Variants in PCBP3 observed in about 807,000 individuals in gnomAD.
The protein encoded by PCBP3 is poly(rC) binding protein 3, also known as poly(rC)-binding protein 3.
PCBP3 carries 25 observed loss-of-function variants against 52.7 expected under a neutral mutation model. That is an observed-to-expected ratio of 0.47 (90% confidence interval 0.35 to 0.66). The LOEUF (loss-of-function observed/expected upper bound fraction) is 0.66. Among genes scored for constraint, PCBP3 ranks in the 30% least tolerant of loss-of-function variants. The pLI is 0.01. For missense variants in PCBP3, 391 were observed against 490.3 expected (o/e 0.80, Z 1.91); for synonymous variants, 162 against 183.0 (o/e 0.89, Z 0.93).
intron 5 of PCBP3, among the ~76,000 whole-genome samples, chr21:45,877,046 T>C (rs1307122233): frequency 1.3e-5 from 2 of 152,246 alleles, no homozygotes; most frequent in Non-Finnish European, 2.9e-5. Context: ...ATCTCTATGT[T>C]AATATCCAAA....
In PCBP3 at chr21:45,731,521, T is replaced by C. The variant is rs148121034; in HGVS notation, c.-199-3871T>C. ...CCAAAGTTCATCTCCAACTGAGGCC[T>C]CTCTGGATCTAACTGGCTTTTGTTT... On this transcript the variant is annotated intron_variant, in intron 2 of 17. Coordinates refer to ENST00000681687, the MANE Select transcript of PCBP3 (RefSeq NM_001384156.1). Among the ~76,000 whole-genome samples, 564 of 152,318 alleles carry C rather than the reference T, an allele frequency of 3.7e-3. 2 individuals carry two copies. Among genetic ancestry groups the C allele is most frequent in the African/African-American group, 0.013 (545 of 41,574 alleles).
At chr21:45,727,850 C>T (rs2085170796) in intron 2 of PCBP3, among the ~76,000 whole-genome samples, 1 of 152,200 alleles carries the variant, frequency 6.6e-6, no homozygotes, top group African/African-American at 2.4e-5. Flanking sequence ...GATGTCAAAG[C>T]ATCAGACACA....
At position 45,928,609 on chromosome 21, in the gene PCBP3, C is replaced by A. The variant is rs1442241741; in HGVS notation, c.718-1308C>A. 6.6e-6 allele frequency among the ~76,000 whole-genome samples: 1 copy of A among 152,148 alleles called. No individual in the cohort carries two copies. Among genetic ancestry groups the A allele is most frequent in the Admixed American group, 6.5e-5 (1 of 15,280 alleles). On this transcript the variant is annotated intron_variant, in intron 13 of 17. Transcript: ENST00000681687. This position sits in a 1 kb window ranked among gnomAD's most constrained non-coding sequence, Gnocchi z 4.1. Reference sequence around the variant, plus strand: ...ACCCAGGTGCCAGGGGTGGCCAGGGCAAGCATGGGGGTCTGGTCAGGTGCT... The same window carrying A: ...ACCCAGGTGCCAGGGGTGGCCAGGGAAAGCATGGGGGTCTGGTCAGGTGCT...
intron 4 of PCBP3, among the ~76,000 whole-genome samples, chr21:45,777,757 T>G (rs2090358070): frequency 1.3e-5 from 2 of 148,254 alleles, no homozygotes; most frequent in African/African-American, 2.5e-5. Flanking sequence ...CTAGAATTTG[T>G]TTTTTTTTTA....
chr21:45,814,378 G>A (rs1322701669), intron 4 of PCBP3, among the ~76,000 whole-genome samples: 3 of 148,358 alleles, frequency 2.0e-5, no homozygotes, highest in South Asian at 2.2e-4. Flanking sequence ...GTGAGTGGTG[G>A]GTGAGTGGTG....
chr21:45,934,746 G>C lies in PCBP3; in HGVS notation c.857-507G>C, dbSNP rs114324864. On this transcript the variant is annotated intron_variant, in intron 15 of 17. Coordinates refer to ENST00000681687, the MANE Select transcript of PCBP3 (RefSeq NM_001384156.1). ...GCTGTCCCCTGCAGGAGGCCGGGGG[G>C]TGTCACAGGGAGGTGGGGCACTGTC... is the stretch of plus-strand genomic sequence containing the variant. Among the ~76,000 whole-genome samples the C allele has an allele frequency of 4.4e-3, 669 of 152,366 alleles. 6 individuals carry two copies. The highest frequency in any genetic ancestry group is 0.014 in the African/African-American group (594 of 41,582).
intron 4 of PCBP3, among the ~76,000 whole-genome samples, chr21:45,816,672 C>T (rs559677149): frequency 6.6e-6 from 1 of 150,766 alleles, no homozygotes; most frequent in Non-Finnish European, 1.5e-5. Context: ...TGGAGCTGTC[C>T]TCTGCTGTGA....
intron 1 of PCBP3, among the ~76,000 whole-genome samples, chr21:45,644,630 T>C (rs2079139652): frequency 6.6e-6 from 1 of 152,122 alleles, no homozygotes; most frequent in African/African-American, 2.4e-5. Flanking sequence ...GGCTCGGGGT[T>C]GGTTATCTTC....
chr21:45,898,371 G>A (rs188573025), intron 6 of PCBP3, among the ~76,000 whole-genome samples: 2,617 of 51,946 alleles, frequency 0.05, 284 homozygotes, highest in South Asian at 0.071. Flanking sequence ...GTCTCCCTCT[G>A]CACACCGTCC....
At chr21:45,666,522 T>C (rs1377393809) in intron 1 of PCBP3, among the ~76,000 whole-genome samples, 2 of 152,168 alleles carry the variant, frequency 1.3e-5, no homozygotes, top group Non-Finnish European at 2.9e-5. Context: ...CCTTTTACTG[T>C]TTCTTGTTAG....
intron 9 of PCBP3, among the ~76,000 whole-genome samples, chr21:45,906,744 C>T (rs1469358603): frequency 2.0e-5 from 3 of 152,166 alleles, no homozygotes; most frequent in Admixed American, 6.5e-5. Context: ...CTCTGATGTA[C>T]ATTTAAGGTG....
chr21:45,791,825 G>T lies in PCBP3; in HGVS notation c.-126+36373G>T, dbSNP rs547486383. On this transcript the variant is annotated intron_variant, in intron 4 of 17. Coordinates refer to ENST00000681687, the MANE Select transcript of PCBP3 (RefSeq NM_001384156.1). The surrounding 1 kb of genome is among the most constrained non-coding windows in gnomAD (Gnocchi z 4.2). Reference sequence around the variant, plus strand: ...GACAACAGAGAAATTGCAGGGTAAGGCTTAAATAATCCTAAAGCAACTATG... The same window carrying T: ...GACAACAGAGAAATTGCAGGGTAAGTCTTAAATAATCCTAAAGCAACTATG... Among the ~76,000 whole-genome samples, 1 of 152,360 alleles carries T rather than the reference G, an allele frequency of 6.6e-6. No homozygotes were observed. Among genetic ancestry groups the T allele is most frequent in the South Asian group, 2.1e-4 (1 of 4,826 alleles).
chr21:45,935,617 C>T (rs7275727), intron 16 of PCBP3: 405 of 461,962 alleles, frequency 8.8e-4, no homozygotes, highest in African/African-American at 5.8e-3. Context: ...TGCCCTGGTG[C>T]GGGCCAAACC....
intron 7 of PCBP3, among the ~76,000 whole-genome samples, chr21:45,900,154 G>C (rs2095990899): frequency 6.6e-6 from 1 of 152,082 alleles, no homozygotes; most frequent in East Asian, 1.9e-4. Context: ...CACCATGGGG[G>C]CGCCTCTAGT....
At position 45,901,173 on chromosome 21, in the gene PCBP3, C is replaced by T. The variant is rs556037701; in HGVS notation, c.339+60C>T. 3.2e-5 allele frequency: 39 copies of T among 1,206,576 alleles called. No homozygotes were observed. In the African/African-American group the frequency reaches 3.7e-4, roughly 11 times the overall value. 74.7% of individuals were successfully genotyped at this position (1,206,576 alleles called of 1,614,324 possible). ...CGGGGGCAGGCCTGGTCCCAGCTGG[C>T]TCCCTGGGTCCTCTCCCCTACACCT... On this transcript the variant is annotated intron_variant, in intron 9 of 17. Transcript: ENST00000681687.
chr21:45,726,280 G>C (rs184993604), intron 2 of PCBP3, among the ~76,000 whole-genome samples: 2 of 152,136 alleles, frequency 1.3e-5, no homozygotes, highest in East Asian at 3.9e-4. Flanking sequence ...GGGAGTTCAT[G>C]GGGGAGAGCA....
At chr21:45,839,021 T>C (rs187788688) in intron 4 of PCBP3, among the ~76,000 whole-genome samples, 1 of 152,348 alleles carries the variant, frequency 6.6e-6, no homozygotes. Context: ...TTCCATTTTT[T>C]CTTTTCGAAA....
rs1260261045 is a variant in PCBP3 at position 45,827,417 on chromosome 21, C to G, written c.-125-22544C>G. 6.6e-6 allele frequency among the ~76,000 whole-genome samples: 1 copy of G among 152,192 alleles called. No homozygotes were observed. On this transcript the variant is annotated intron_variant, in intron 4 of 17. Transcript: ENST00000681687. The surrounding 1 kb of genome is among the most constrained non-coding windows in gnomAD (Gnocchi z 4.3). Reference sequence around the variant, plus strand: ...AAGAACCAGGAAGACTCCAGTTCAGCTGACAAAAGGCAATCGACAGACACC... The same window carrying G: ...AAGAACCAGGAAGACTCCAGTTCAGGTGACAAAAGGCAATCGACAGACACC...
At chr21:45,923,484 C>T (rs547083571) in intron 13 of PCBP3, among the ~76,000 whole-genome samples, 1 of 152,360 alleles carries the variant, frequency 6.6e-6, no homozygotes, top group East Asian at 1.9e-4. Flanking sequence ...GCACCCTCTG[C>T]AGGGCCCCAG....
Sources: allele counts gnomAD v4.1 joint callset (sites outside exome capture counted in the v4.1 genomes callset), GRCh38; gene constraint gnomAD v4.1.1; non-coding constraint Gnocchi (gnomAD v3.1); transcripts MANE v1.5; gene names NCBI Gene and HGNC (gene_info 2026-07-23, HGNC 2026-07-21).